Variants in DNAI3 observed in about 807,000 individuals in gnomAD.
The protein encoded by DNAI3 is WD repeat domain 63.
A neutral mutation model predicts 115.5 loss-of-function variants in DNAI3; 83 were observed. That is an observed-to-expected ratio of 0.72 (90% confidence interval 0.60 to 0.86). The LOEUF (loss-of-function observed/expected upper bound fraction) is 0.86. DNAI3 is among the 40% of genes least tolerant of loss of function. The pLI, the probability that DNAI3 is intolerant of heterozygous loss-of-function variation, is 0.00. For synonymous variants in DNAI3, 320 were observed against 347.0 expected (o/e 0.92, Z 0.86); for missense variants, 1,004 against 1,075.8 (o/e 0.93, Z 0.93).
intron 4 of DNAI3, among the ~76,000 whole-genome samples, chr1:85,081,645 TTTTTGTTTTG>T (rs538598585): frequency 6.6e-6 from 1 of 151,994 alleles, no homozygotes; most frequent in African/African-American, 2.4e-5. Flanking sequence ...CCTTGCCCAG[TTTTTGTTTTG>T]TTTTGTTTTG....
Position 85,097,574 on chromosome 1 carries a change from C to A in DNAI3, c.1269C>A (p.Val423=). Residue 423 remains valine, a synonymous_variant, in exon 12 of 23, where the codon GTC becomes GTA. Transcript: ENST00000294664. ...IAGGCINGQI[V]MWDITAHADR... Reference sequence around the variant, plus strand: ...AACATTTATTTCCATTTTAGATTGTCATGTGGGATATCACCGCACATGCAG... The same window carrying A: ...AACATTTATTTCCATTTTAGATTGTAATGTGGGATATCACCGCACATGCAG... 6.2e-7 allele frequency: 1 copy of A among 1,606,238 alleles called. No individual in the cohort carries two copies. The highest frequency in any genetic ancestry group is 1.1e-5 in the South Asian group (1 of 88,620).
intron 20 of DNAI3, among the ~76,000 whole-genome samples, chr1:85,128,148 A>AAAG (rs1557728767): frequency 1.7e-5 from 2 of 119,004 alleles, no homozygotes; most frequent in Admixed American, 8.6e-5. Flanking sequence ...AAAAAAAAAA[A>AAAG]AAGAAGAAGA....
intron 17 of DNAI3, among the ~76,000 whole-genome samples, chr1:85,119,712 T>C (rs557423049): frequency 6.6e-6 from 1 of 152,100 alleles, no homozygotes; most frequent in Non-Finnish European, 1.5e-5. Context: ...TTTCTTTTTT[T>C]TTTGAGATGG....
chr1:85,130,165 A>G (rs1391437000), intron 22 of DNAI3, 53 bp downstream of exon 22: 6 of 1,606,966 alleles, frequency 3.7e-6, no homozygotes, highest in Non-Finnish European at 5.1e-6. Flanking sequence ...CAGTGGAAAT[A>G]TATTTGTTTG....
At chr1:85,112,512 C>G (rs1419276986) in intron 16 of DNAI3, among the ~76,000 whole-genome samples, 3 of 152,128 alleles carry the variant, frequency 2.0e-5, no homozygotes, top group African/African-American at 4.8e-5. Context: ...CAGAAACTGC[C>G]AAAGCATTTT....
At chr1:85,107,827 A>C (rs1195875243) in intron 14 of DNAI3, among the ~76,000 whole-genome samples, 1 of 152,220 alleles carries the variant, frequency 6.6e-6, no homozygotes, top group Admixed American at 6.5e-5. Flanking sequence ...TATTAGTCCC[A>C]AGATGAGGGA....
At chr1:85,114,166 C>G (rs1033816369) in intron 16 of DNAI3, among the ~76,000 whole-genome samples, 3 of 151,976 alleles carry the variant, frequency 2.0e-5, no homozygotes, top group African/African-American at 7.3e-5. Context: ...GCATGTACCA[C>G]CACACCAGGC....
intron 5 of DNAI3, among the ~76,000 whole-genome samples, chr1:85,083,898 C>A (rs1179249061): frequency 6.6e-6 from 1 of 151,864 alleles, no homozygotes; most frequent in African/African-American, 2.4e-5. Flanking sequence ...ATCTTATAGT[C>A]TTATTAACTT....
chr1:85,125,676 A>G (rs1656115771), intron 19 of DNAI3, among the ~76,000 whole-genome samples: 1 of 152,178 alleles, frequency 6.6e-6, no homozygotes, highest in African/African-American at 2.4e-5. Context: ...AGACAAGGAG[A>G]ACAAGTTTGA....
rs1654930682 is a variant in DNAI3 at position 85,090,207 on chromosome 1, G to A, written c.832G>A (p.Asp278Asn). ...ACTCAAACAATCAAAGCCTTTGGTTGATTTTCTTAACAATGCATCCATAAG... is the reference window on the plus strand; with the variant it reads ...ACTCAAACAATCAAAGCCTTTGGTTAATTTTCTTAACAATGCATCCATAAG... ...ETLKQSKPLV[D>N]FLNNASISVE... The change falls in exon 8 of 23, where the codon GAT (aspartate) becomes AAT (asparagine). Residue 278 changes from aspartate to asparagine, a missense_variant. Physicochemically the swap from Asp to Asn is conservative, Grantham distance 23 (BLOSUM62 1). Transcript: ENST00000294664. 4 of 1,574,074 alleles carry A rather than the reference G, an allele frequency of 2.5e-6. No homozygotes were observed. In the African/African-American group the frequency reaches 5.5e-5, roughly 21 times the overall value.
At chr1:85,118,241 A>C (rs1356937919) in intron 17 of DNAI3, among the ~76,000 whole-genome samples, 4 of 152,214 alleles carry the variant, frequency 2.6e-5, no homozygotes, top group Non-Finnish European at 4.4e-5. Flanking sequence ...CACTCATTTC[A>C]AAAGATAAAT....
intron 5 of DNAI3, among the ~76,000 whole-genome samples, chr1:85,083,581 T>C (rs1232413743): frequency 6.6e-6 from 1 of 152,180 alleles, no homozygotes; most frequent in Non-Finnish European, 1.5e-5. Flanking sequence ...TTTATGATTG[T>C]TGTTCTGTTT....
chr1:85,085,243 G>T (rs1396600984), intron 6 of DNAI3, among the ~76,000 whole-genome samples: 1 of 152,178 alleles, frequency 6.6e-6, no homozygotes, highest in Non-Finnish European at 1.5e-5. Flanking sequence ...CTCCACAACT[G>T]TAAGAGAATA....
rs192462237 is a variant in DNAI3, at chr1:85,097,661, C to A, written c.1350+6C>A. ...GTAAAAGAGCCACACTGAAGGTAAG[C>A]TTTTTACAACATTTCACTTGCAAGT... is the stretch of plus-strand genomic sequence containing the variant. On this transcript the variant is annotated splice_donor_region_variant and intron_variant, in intron 12 of 22. Coordinates refer to ENST00000294664, the MANE Select transcript of DNAI3 (RefSeq NM_145172.5). 7.6e-3 allele frequency: 12,112 copies of A among 1,603,888 alleles called. 77 individuals are homozygous for A. Among genetic ancestry groups the A allele is most frequent in the Middle Eastern group, 0.028 (169 of 6,036 alleles).
At chr1:85,075,460 T>C (rs1433378368) in intron 3 of DNAI3, among the ~76,000 whole-genome samples, 1 of 152,062 alleles carries the variant, frequency 6.6e-6, no homozygotes, top group African/African-American at 2.4e-5. Flanking sequence ...GTGAGACAAG[T>C]GTAGGTTTTG....
intron 18 of DNAI3, among the ~76,000 whole-genome samples, chr1:85,122,206 A>G (rs1656011846): frequency 6.6e-6 from 1 of 152,238 alleles, no homozygotes; most frequent in South Asian, 2.1e-4. Context: ...ATCTATGTGG[A>G]AAATCTGAGT....
chr1:85,095,772 A>G (rs936371770), intron 10 of DNAI3, among the ~76,000 whole-genome samples, 159 bp from the exon 11 acceptor site: 2 of 152,256 alleles, frequency 1.3e-5, no homozygotes, highest in Non-Finnish European at 2.9e-5. Flanking sequence ...AAGCAAAAGC[A>G]GCTTTTAGTC....
intron 13 of DNAI3, among the ~76,000 whole-genome samples, chr1:85,103,655 G>A (rs1204976076): frequency 6.6e-6 from 1 of 151,952 alleles, no homozygotes; most frequent in Admixed American, 6.6e-5. Flanking sequence ...CAGAGGCCGA[G>A]GTGGGTGGAT....
intron 13 of DNAI3, among the ~76,000 whole-genome samples, chr1:85,102,546 T>C (rs1045943437): frequency 6.6e-6 from 1 of 152,236 alleles, no homozygotes; most frequent in African/African-American, 2.4e-5. Context: ...TTTGGATTTA[T>C]TTAATTTTTA....
Sources: allele counts gnomAD v4.1 joint callset (sites outside exome capture counted in the v4.1 genomes callset), GRCh38; gene constraint gnomAD v4.1.1; transcripts MANE v1.5; gene names NCBI Gene and HGNC (gene_info 2026-07-23, HGNC 2026-07-21).